SENP6: variants seen among roughly 807,000 people sequenced by gnomAD.
The protein encoded by SENP6 is sentrin-specific protease 6.
Under a neutral mutation model 134.5 loss-of-function variants are expected in SENP6, and 41 were observed. The ratio of observed to expected loss-of-function variants is 0.30; its 90% CI spans 0.24 to 0.40. The LOEUF (loss-of-function observed/expected upper bound fraction) is 0.40, where lower values mean the gene tolerates loss of function less well. Ranked by LOEUF, SENP6 falls within the 10% of genes least tolerant of loss-of-function variation. The probability of loss-of-function intolerance (pLI) is 1.00; values close to 1 mark genes in which losing one functional copy is unlikely to be tolerated. For missense variants in SENP6, 1,248 were observed against 1,312.5 expected, an observed-to-expected ratio of 0.95 and a Z score of 0.76; for synonymous variants, 395 against 429.8, an observed-to-expected ratio of 0.92 and a Z score of 1.00.
rs1582835952 is a variant in SENP6 at position 75,677,018 on chromosome 6, ATTTC to A, written c.1622-8_1622-5del. 2 of 1,278,742 alleles carry A rather than the reference ATTTC, an allele frequency of 1.6e-6. No individual in the cohort carries two copies. Among genetic ancestry groups the A allele is most frequent in the Non-Finnish European group, 1.1e-6 (1 of 905,688 alleles). The allele number at this position is 1,278,742 out of a possible 1,614,324, so 79.2% of individuals were successfully genotyped here. A position where few individuals can be genotyped will look rare whatever the true frequency, so the allele number is the denominator to read the frequency against. On this transcript the variant is annotated splice_polypyrimidine_tract_variant and splice_region_variant and intron_variant, in intron 13 of 23. Coordinates refer to ENST00000447266, the MANE Select transcript of SENP6 (RefSeq NM_015571.4). ...TGTGTTTTTTTTTGGACTTATATTT[ATTTC>A]TTTTCAGATTTAGAAGAACAATATA...
intron 10 of SENP6, among the ~76,000 whole-genome samples, chr6:75,667,747 G>A (rs917970169): frequency 2.6e-5 from 4 of 152,130 alleles, no homozygotes; most frequent in African/African-American, 7.2e-5. Flanking sequence ...TCCCCAGTAC[G>A]TAAGGCTTTA....
intron 1 of SENP6, 102 bp from the exon 2 acceptor site, chr6:75,621,430 A>C: frequency 2.8e-6 from 2 of 723,648 alleles, no homozygotes; most frequent in South Asian, 1.9e-5. Flanking sequence ...ACCAAATTAA[A>C]ACAAAATCTA....
At chr6:75,679,804 CTG>C (rs1773339809) in intron 16 of SENP6, 1 of 152,120 alleles carries the variant, frequency 6.6e-6, no homozygotes, top group Non-Finnish European at 1.5e-5. Context: ...GCATAGTTCT[CTG>C]TAATATTTTC....
At chr6:75,663,819 T>TTTGG (rs1771965280) in intron 9 of SENP6, among the ~76,000 whole-genome samples, 1 of 90,772 alleles carries the variant, frequency 1.1e-5, no homozygotes, top group African/African-American at 5.7e-5. Flanking sequence ...TTTTTTTTTT[T>TTTGG]GTGGGGGGGG....
chr6:75,633,551 T>C, intron 3 of SENP6, 30 bp from the exon 4 acceptor site: 1 of 1,561,720 alleles, frequency 6.4e-7, no homozygotes, highest in Non-Finnish European at 8.6e-7. Flanking sequence ...ATAGCATTTT[T>C]GACTCATATT....
intron 19 of SENP6, among the ~76,000 whole-genome samples, chr6:75,709,176 T>C (rs1249597326): frequency 2.0e-5 from 3 of 152,218 alleles, no homozygotes; most frequent in Non-Finnish European, 2.9e-5. Context: ...CAGACTGTCA[T>C]AGCTTTCATT....
chr6:75,679,932 C>CA (rs1185446821), intron 16 of SENP6: 1 of 152,040 alleles, frequency 6.6e-6, no homozygotes, highest in Non-Finnish European at 1.5e-5. Flanking sequence ...GGTGGGAAAA[C>CA]ACATTGTTAT....
Position 75,602,277 on chromosome 6 carries a change from C to T in SENP6, c.-248C>T, listed in dbSNP as rs895663717. 3.9e-5 allele frequency: 15 copies of T among 388,016 alleles called. No homozygotes were observed. The highest frequency in any genetic ancestry group is 2.5e-4 in the African/African-American group (12 of 47,652). 24.0% of individuals were successfully genotyped at this position (388,016 alleles called of 1,614,324 possible). On this transcript the variant is annotated 5_prime_UTR_variant, in exon 1 of 24. Transcript: ENST00000447266. ...CGTCGTCGTCGTCGCCGGTCGCGTTCCCCCGGAGAGGCCTGAGAAGCTCGG... is the reference window on the plus strand; with the variant it reads ...CGTCGTCGTCGTCGCCGGTCGCGTTTCCCCGGAGAGGCCTGAGAAGCTCGG...
chr6:75,692,986 G>A (rs1349571232), intron 16 of SENP6, among the ~76,000 whole-genome samples: 1 of 152,170 alleles, frequency 6.6e-6, no homozygotes, highest in Non-Finnish European at 1.5e-5. Flanking sequence ...TAAGAGGATG[G>A]CTTCAGCCCA....
At chr6:75,636,632 G>A (rs1232384924) in intron 5 of SENP6, among the ~76,000 whole-genome samples, 8 of 152,096 alleles carry the variant, frequency 5.3e-5, no homozygotes, top group Non-Finnish European at 1.5e-5. Flanking sequence ...TACAAAATAC[G>A]TGTAGTAAAA....
At chr6:75,622,900 C>T in intron 2 of SENP6, 1 of 895,436 alleles carries the variant, frequency 1.1e-6, no homozygotes, top group South Asian at 1.6e-5. Flanking sequence ...GGTTTTCTTT[C>T]TTTCATTTCT....
At chr6:75,702,392 AT>A (rs1775096969) in intron 18 of SENP6, among the ~76,000 whole-genome samples, 1 of 151,622 alleles carries the variant, frequency 6.6e-6, no homozygotes, top group African/African-American at 2.4e-5. Flanking sequence ...TAATTTTTGT[AT>A]TTTTAGTAGA....
chr6:75,628,326 A>G (rs576374973), intron 3 of SENP6, among the ~76,000 whole-genome samples: 2 of 152,276 alleles, frequency 1.3e-5, no homozygotes, highest in South Asian at 4.1e-4. Flanking sequence ...GAAGCTTAAC[A>G]TTAAGTAGAA....
chr6:75,695,215 C>T (rs760491865), intron 16 of SENP6, among the ~76,000 whole-genome samples: 3 of 152,042 alleles, frequency 2.0e-5, no homozygotes, highest in Non-Finnish European at 4.4e-5. Flanking sequence ...GACAGAGTCT[C>T]ACTCTGTTTC....
At chr6:75,662,315 T>C (rs1027221904) in intron 8 of SENP6, among the ~76,000 whole-genome samples, 6 of 152,028 alleles carry the variant, frequency 3.9e-5, no homozygotes, top group Non-Finnish European at 7.4e-5. Context: ...TTTTTTTGTT[T>C]GGAGAGATTG....
At chr6:75,621,289 A>G (rs1768249877) in intron 1 of SENP6, among the ~76,000 whole-genome samples, 1 of 152,198 alleles carries the variant, frequency 6.6e-6, no homozygotes, top group Non-Finnish European at 1.5e-5. Flanking sequence ...TTTTTATTAT[A>G]GCTTTCTAAT....
chr6:75,603,440 T>A (rs1482753589), intron 1 of SENP6, among the ~76,000 whole-genome samples: 1 of 152,238 alleles, frequency 6.6e-6, no homozygotes, highest in Non-Finnish European at 1.5e-5. Flanking sequence ...GTTTACACTT[T>A]GTTTAGCAAA....
At chr6:75,662,860 G>A (rs1771891838) in intron 8 of SENP6, among the ~76,000 whole-genome samples, 1 of 152,122 alleles carries the variant, frequency 6.6e-6, no homozygotes, top group South Asian at 2.1e-4. Flanking sequence ...CTAAAGTAAT[G>A]GAGCCAGTCA....
intron 3 of SENP6, among the ~76,000 whole-genome samples, chr6:75,628,963 G>C (rs1395712775): frequency 6.6e-6 from 1 of 152,160 alleles, no homozygotes; most frequent in Non-Finnish European, 1.5e-5. Context: ...GACCTCAAGT[G>C]ATCCACCCAC....
Sources: gnomAD v4.1 joint callset for allele counts (sites outside exome capture counted in the v4.1 genomes callset) on GRCh38, gnomAD v4.1.1 for gene constraint, MANE v1.5 for transcripts, NCBI Gene and HGNC (gene_info 2026-07-23, HGNC 2026-07-21) for gene names.